PRKCI: variants seen among roughly 807,000 people sequenced by gnomAD.
The protein encoded by PRKCI is protein kinase C iota.
PRKCI carries 43 observed loss-of-function variants against 84.0 expected under a neutral mutation model. The ratio of observed to expected loss-of-function variants is 0.51; its 90% CI spans 0.40 to 0.66. PRKCI has a LOEUF of 0.66. Among genes scored for constraint, PRKCI ranks in the 30% least tolerant of loss-of-function variants. The pLI, the probability that PRKCI is intolerant of heterozygous loss-of-function variation, is 0.00. For synonymous variants in PRKCI, 216 were observed against 234.4 expected, an observed-to-expected ratio of 0.92 and a Z score of 0.72; for missense variants, 459 against 745.6, an observed-to-expected ratio of 0.62 and a Z score of 4.48.
chr3:170,246,198 G>A (rs1286623950), intron 2 of PRKCI, among the ~76,000 whole-genome samples: 4 of 152,008 alleles, frequency 2.6e-5, no homozygotes, highest in Non-Finnish European at 5.9e-5. Flanking sequence ...TGCCGCCCAG[G>A]CTGGAGTGCA....
At chr3:170,283,619 ATTTG>A (rs1734307884) in intron 11 of PRKCI, among the ~76,000 whole-genome samples, 1 of 152,108 alleles carries the variant, frequency 6.6e-6, no homozygotes, top group Non-Finnish European at 1.5e-5. Context: ...CATAGCCAAT[ATTTG>A]TTCCTTGTTT....
At chr3:170,246,746 C>G (rs756480594) in intron 2 of PRKCI, among the ~76,000 whole-genome samples, 1 of 152,200 alleles carries the variant, frequency 6.6e-6, no homozygotes, top group African/African-American at 2.4e-5. Flanking sequence ...TGTTGTACAA[C>G]TATTAACAGT....
chr3:170,278,982 G>A lies in PRKCI; in HGVS notation c.706-1245G>A, dbSNP rs183357618. ...ATTTCAGCATGAGATTTGAGATTTG[G>A]AGGGGTCAGATATACAAACTATCAC... is the stretch of plus-strand genomic sequence containing the variant. On this transcript the variant is annotated intron_variant, in intron 8 of 17. Transcript: ENST00000295797. 2.5e-3 allele frequency among the ~76,000 whole-genome samples: 376 copies of A among 152,278 alleles called. 1 individual carries two copies. Among genetic ancestry groups the A allele is most frequent in the African/African-American group, 7.8e-3 (323 of 41,546 alleles).
At chr3:170,288,769 T>A (rs1734465380) in intron 12 of PRKCI, among the ~76,000 whole-genome samples, 1 of 152,066 alleles carries the variant, frequency 6.6e-6, no homozygotes, top group African/African-American at 2.4e-5. Context: ...AATATATACA[T>A]ATAAAATAAA....
At chr3:170,246,242 T>A (rs1733281248) in intron 2 of PRKCI, among the ~76,000 whole-genome samples, 1 of 152,200 alleles carries the variant, frequency 6.6e-6, no homozygotes, top group African/African-American at 2.4e-5. Flanking sequence ...AACCTCCGCC[T>A]CCCGTGTTCA....
At chr3:170,296,575 G>A (rs978541734) in intron 15 of PRKCI, among the ~76,000 whole-genome samples, 21 of 151,970 alleles carry the variant, frequency 1.4e-4, no homozygotes, top group Non-Finnish European at 2.1e-4. Context: ...TAAATAAATG[G>A]TATGATAGAA....
intron 2 of PRKCI, among the ~76,000 whole-genome samples, chr3:170,239,244 G>T (rs1733058397): frequency 6.6e-6 from 1 of 152,138 alleles, no homozygotes; most frequent in South Asian, 2.1e-4. Context: ...GGAAAGTTGA[G>T]TATCTTTATC....
intron 2 of PRKCI, among the ~76,000 whole-genome samples, chr3:170,255,392 A>T (rs1456028582): frequency 1.3e-5 from 2 of 152,026 alleles, no homozygotes; most frequent in Non-Finnish European, 1.5e-5. Context: ...ATACTTATTC[A>T]TAGGTATTTT....
At chr3:170,238,569 A>G (rs1039673513) in intron 2 of PRKCI, among the ~76,000 whole-genome samples, 24 of 150,770 alleles carry the variant, frequency 1.6e-4, no homozygotes, top group African/African-American at 5.8e-4. Context: ...ACTACCATAA[A>G]CAATATATAA....
intron 4 of PRKCI, among the ~76,000 whole-genome samples, chr3:170,266,797 A>G (rs1451987104): frequency 6.6e-6 from 1 of 152,172 alleles, no homozygotes; most frequent in East Asian, 1.9e-4. Flanking sequence ...GTTTGAGACC[A>G]GCCTGGCCAA....
At chr3:170,274,160 C>G (rs1192183699) in intron 7 of PRKCI, among the ~76,000 whole-genome samples, 1 of 152,040 alleles carries the variant, frequency 6.6e-6, no homozygotes, top group East Asian at 1.9e-4. Flanking sequence ...GAGACAGAGT[C>G]TTGCTCTGTT....
At chr3:170,289,074 C>T (rs1438315213) in intron 12 of PRKCI, among the ~76,000 whole-genome samples, 1 of 152,112 alleles carries the variant, frequency 6.6e-6, no homozygotes, top group African/African-American at 2.4e-5. Context: ...ATCTGTTATG[C>T]TGCAGAAAAC....
At chr3:170,269,065 C>T (rs1330006479) in intron 5 of PRKCI, among the ~76,000 whole-genome samples, 1 of 152,108 alleles carries the variant, frequency 6.6e-6, no homozygotes, top group Non-Finnish European at 1.5e-5. Context: ...CAGGCATCAG[C>T]CAACAGGCCT....
chr3:170,293,601 A>ATGAGCATAATCTGGAAAATATAATCC, intron 14 of PRKCI, 93 bp downstream of exon 14: 1 of 1,353,432 alleles, frequency 7.4e-7, no homozygotes. Context: ...AGTAAGAAAA[A>ATGAGCATAATCTGGAAAATATAATCC]TGAGCATAAT....
intron 3 of PRKCI, among the ~76,000 whole-genome samples, chr3:170,263,018 A>G (rs1733771202): frequency 6.6e-6 from 1 of 151,456 alleles, no homozygotes; most frequent in Non-Finnish European, 1.5e-5. Flanking sequence ...AAAATACAAA[A>G]ATTAGCCGGG....
chr3:170,236,846 C>G (rs1249095094), intron 2 of PRKCI, among the ~76,000 whole-genome samples: 1 of 84,100 alleles, frequency 1.2e-5, no homozygotes, highest in East Asian at 3.0e-4. Context: ...ACAAAGCAAG[C>G]AAAGCAAGAC....
At chr3:170,259,019 C>T (rs1733657370) in intron 2 of PRKCI, among the ~76,000 whole-genome samples, 1 of 152,230 alleles carries the variant, frequency 6.6e-6, no homozygotes, top group South Asian at 2.1e-4. Context: ...TGGTGCACTT[C>T]TGTAGTCCCA....
intron 1 of PRKCI, among the ~76,000 whole-genome samples, chr3:170,232,007 A>C (rs1459176343): frequency 2.0e-5 from 3 of 152,114 alleles, no homozygotes; most frequent in African/African-American, 4.8e-5. Context: ...AAAAAACTCA[A>C]CTGAAAAAAG....
chr3:170,223,463 G>A (rs534749079), intron 1 of PRKCI, among the ~76,000 whole-genome samples: 10 of 152,324 alleles, frequency 6.6e-5, no homozygotes, highest in African/African-American at 2.4e-4. Flanking sequence ...ATACTGCAAG[G>A]TGAGGAGACT....
Sources: gnomAD v4.1 joint callset for allele counts (sites outside exome capture counted in the v4.1 genomes callset) on GRCh38, gnomAD v4.1.1 for gene constraint, MANE v1.5 for transcripts, NCBI Gene and HGNC (gene_info 2026-07-23, HGNC 2026-07-21) for gene names.